MTDH: variants seen among roughly 807,000 people sequenced by gnomAD.
MTDH encodes protein LYRIC.
Under a neutral mutation model 72.7 loss-of-function variants are expected in MTDH, and 34 were observed. That is an observed-to-expected ratio of 0.47 (90% CI 0.36 to 0.62). The LOEUF (loss-of-function observed/expected upper bound fraction) is 0.62, where lower values mean the gene tolerates loss of function less well. Among genes scored for constraint, MTDH ranks in the 20% least tolerant of loss-of-function variants. The pLI is 0.00. For missense variants in MTDH, 677 were observed against 699.4 expected (o/e 0.97, Z 0.36); for synonymous variants, 266 against 268.9 (o/e 0.99, Z 0.10).
At chr8:97,705,222 G>A (rs7832885) in intron 7 of MTDH, among the ~76,000 whole-genome samples, 5,695 of 151,694 alleles carry the variant, frequency 0.038, 362 homozygotes, top group African/African-American at 0.13. Context: ...GCTTGAACCC[G>A]GGAGGCGGAG....
At chr8:97,718,716 T>G (rs1447689230) in intron 9 of MTDH, among the ~76,000 whole-genome samples, 1 of 151,314 alleles carries the variant, frequency 6.6e-6, no homozygotes, top group Non-Finnish European at 1.5e-5. Context: ...GGGTTTTTTT[T>G]TTTTCTTTGA....
chr8:97,682,030 T>C (rs998525278), intron 2 of MTDH, among the ~76,000 whole-genome samples: 4 of 151,314 alleles, frequency 2.6e-5, no homozygotes, highest in African/African-American at 9.7e-5. Context: ...AAAAGAACTG[T>C]GGTAACAAGG....
intron 2 of MTDH, among the ~76,000 whole-genome samples, chr8:97,682,244 A>ATG (rs1813124447): frequency 2.2e-4 from 1 of 4,496 alleles, no homozygotes; most frequent in African/African-American, 1.3e-3. Flanking sequence ...ATATATATAT[A>ATG]TATATATATA....
At position 97,661,014 on chromosome 8, in the gene MTDH, T is replaced by G. The variant is rs1056574365; in HGVS notation, c.382-58T>G. 42 of 1,380,624 alleles carry G rather than the reference T, an allele frequency of 3.0e-5. No homozygotes were observed. In the South Asian group the frequency reaches 4.7e-4, roughly 16 times the overall value. The allele number at this position is 1,380,624 out of a possible 1,614,324, so 85.5% of individuals were successfully genotyped here. A position where few individuals can be genotyped will look rare whatever the true frequency, so the allele number is the denominator to read the frequency against. ...GTATATATGGTTTCCTGCGTATAAA[T>G]CTTTGCACTGATCTGCTAAGCAGTT... On this transcript the variant is annotated intron_variant, in intron 1 of 11. Coordinates refer to ENST00000336273, the MANE Select transcript of MTDH (RefSeq NM_178812.4).
intron 6 of MTDH, among the ~76,000 whole-genome samples, chr8:97,694,575 T>C (rs1031287432): frequency 6.6e-6 from 1 of 152,118 alleles, no homozygotes; most frequent in African/African-American, 2.4e-5. Flanking sequence ...TGCTCTCCCT[T>C]CCTCCCCATT....
chr8:97,696,106 A>T, intron 6 of MTDH: 1 of 344,974 alleles, frequency 2.9e-6, no homozygotes, highest in Non-Finnish European at 4.1e-6. Context: ...TCTCATTTCT[A>T]AGGTTATCTT....
At chr8:97,666,977 G>C (rs55671539) in intron 2 of MTDH, among the ~76,000 whole-genome samples, 30,377 of 151,802 alleles carry the variant, frequency 0.2, 3,301 homozygotes, top group East Asian at 0.33. Flanking sequence ...GATTATAGGT[G>C]AGATCCACCG....
At chr8:97,659,517 C>T (rs1280899046) in intron 1 of MTDH, among the ~76,000 whole-genome samples, 1 of 152,204 alleles carries the variant, frequency 6.6e-6, no homozygotes, top group Admixed American at 6.5e-5. Context: ...GTAAAGCCTA[C>T]AAATTGAATT....
chr8:97,687,722 T>C (rs1419400225), intron 4 of MTDH, 117 bp downstream of exon 4: 1 of 851,876 alleles, frequency 1.2e-6, no homozygotes, highest in African/African-American at 1.7e-5. Context: ...ATTGTGCTGA[T>C]ATACCCTTCT....
intron 6 of MTDH, among the ~76,000 whole-genome samples, chr8:97,691,609 C>T (rs1295632561): frequency 6.6e-6 from 1 of 152,022 alleles, no homozygotes; most frequent in African/African-American, 2.4e-5. Context: ...ATTAAATTTT[C>T]CTCCGGATTT....
chr8:97,675,996 G>T (rs1445200179), intron 2 of MTDH, among the ~76,000 whole-genome samples: 2 of 149,908 alleles, frequency 1.3e-5, no homozygotes, highest in South Asian at 2.1e-4. Context: ...GCTGAGTGCA[G>T]TGGTACAATC....
chr8:97,720,903 C>T (rs974626717), intron 10 of MTDH, among the ~76,000 whole-genome samples: 1 of 151,870 alleles, frequency 6.6e-6, no homozygotes, highest in Non-Finnish European at 1.5e-5. Context: ...ATCCGCCTGC[C>T]TCAGCCTCCC....
intron 1 of MTDH, among the ~76,000 whole-genome samples, chr8:97,653,902 T>A (rs542676622): frequency 2.6e-5 from 4 of 152,344 alleles, no homozygotes; most frequent in Non-Finnish European, 5.9e-5. Flanking sequence ...TATACAGATG[T>A]GTATTTGCTG....
At chr8:97,664,415 C>G (rs541482605) in intron 2 of MTDH, among the ~76,000 whole-genome samples, 1 of 151,844 alleles carries the variant, frequency 6.6e-6, no homozygotes, top group East Asian at 1.9e-4. Flanking sequence ...TATTCTGATT[C>G]GAAAAAGTTC....
In MTDH at chr8:97,714,792, A is replaced by C. The variant is rs928788913; in HGVS notation, c.1380+1023A>C. Among the ~76,000 whole-genome samples, 10 of 152,058 alleles carry C rather than the reference A, an allele frequency of 6.6e-5. No individual in the cohort carries two copies. The East Asian group carries it at 1.7e-3, about 26-fold the overall frequency. On this transcript the variant is annotated intron_variant, in intron 9 of 11. Transcript: ENST00000336273. ...CGCAATTTCTAGGGTTAGCCCACAT[A>C]GTAATTTTTCCTACTTATTGTTCTA... is the stretch of plus-strand genomic sequence containing the variant.
At position 97,699,736 on chromosome 8, in the gene MTDH, A is replaced by G. The variant is rs765847397; in HGVS notation, c.1049-18A>G. On this transcript the variant is annotated intron_variant, in intron 6 of 11. Transcript: ENST00000336273. ...GAAATTCCATTTTTAATTTTATTGC[A>G]TTCGTTTTTCATTTAAGGGTCTACT... 7 of 1,496,260 alleles carry G rather than the reference A, an allele frequency of 4.7e-6. No homozygotes were observed. The East Asian group carries it at 9.1e-5, about 19-fold the overall frequency. The allele number at this position is 1,496,260 out of a possible 1,614,324, so 92.7% of individuals were successfully genotyped here.
chr8:97,661,306 A>G (rs1031391185), intron 2 of MTDH, 133 bp downstream of exon 2: 6 of 598,200 alleles, frequency 1.0e-5, no homozygotes, highest in African/African-American at 3.6e-5. Context: ...TGAATTAACC[A>G]TAGTGGATGG....
At chr8:97,716,604 C>G (rs566074388) in intron 9 of MTDH, among the ~76,000 whole-genome samples, 1 of 149,334 alleles carries the variant, frequency 6.7e-6, no homozygotes, top group Non-Finnish European at 1.5e-5. Flanking sequence ...AGGAGAATCG[C>G]AGGTTGCAGT....
intron 7 of MTDH, among the ~76,000 whole-genome samples, chr8:97,701,038 C>G (rs114141936): frequency 1.2e-3 from 190 of 152,272 alleles, no homozygotes; most frequent in African/African-American, 4.4e-3. Flanking sequence ...ACAGTAGATA[C>G]GAATTTTAGT....
Sources: allele counts gnomAD v4.1 joint callset (sites outside exome capture counted in the v4.1 genomes callset), GRCh38; gene constraint gnomAD v4.1.1; transcripts MANE v1.5; gene names NCBI Gene and HGNC (gene_info 2026-07-23, HGNC 2026-07-21).